Variants in PAX6 observed in about 807,000 individuals in gnomAD.
PAX6 encodes the protein paired box 6, also known as paired box protein Pax-6.
In PAX6, 7 loss-of-function variants were observed where a neutral mutation model predicts 60.7. The ratio of observed to expected loss-of-function variants is 0.12; its 90% CI spans 0.07 to 0.22. The LOEUF (loss-of-function observed/expected upper bound fraction) is 0.22. Among genes scored for constraint, PAX6 ranks in the 10% least tolerant of loss-of-function variants. The pLI is 1.00. For synonymous variants in PAX6, 208 were observed against 201.2 expected (o/e 1.03, Z -0.29); for missense variants, 355 against 555.2 (o/e 0.64, Z 3.62).
At chr11:31,811,053 T>C in intron 1 of PAX6, 38 bp from the exon 2 acceptor site, 1 of 399,330 alleles carries the variant, frequency 2.5e-6, no homozygotes, top group Non-Finnish European at 4.4e-6. Context: ...AAATGGGCTG[T>C]CAGCGGCTGG....
chr11:31,800,417 G>A lies in PAX6; in HGVS notation c.565+274C>T, dbSNP rs3026376. On this transcript the variant is annotated intron_variant, in intron 8 of 13. Transcript: ENST00000640368. ...AGTGCACCACGCAGCTCGTTCTTAT[G>A]CACACAGTGCTGCCCACAAACACAC... The A allele has an allele frequency of 9.8e-5, 55 of 562,448 alleles. 1 individual carries two copies. In the South Asian group the frequency reaches 1.1e-3, roughly 11 times the overall value. 34.8% of individuals were successfully genotyped at this position (562,448 alleles called of 1,614,324 possible).
rs1201996513 is a variant in PAX6 at position 31,793,231 on chromosome 11, A to G, written c.1074+207T>C. The G allele has an allele frequency of 1.4e-5, 10 of 694,914 alleles. No homozygotes were observed. The East Asian group carries it at 1.6e-4, about 11-fold the overall frequency. 43.0% of individuals were successfully genotyped at this position (694,914 alleles called of 1,614,324 possible). A position where few individuals can be genotyped will look rare whatever the true frequency, so the allele number is the denominator to read the frequency against. On this transcript the variant is annotated intron_variant, in intron 12 of 13. Transcript: ENST00000640368. ...ACCTGACAAAACTGGACAGATTTTT[A>G]TTACTCATTTTTTTAGGGCATGAAT... is the stretch of plus-strand genomic sequence containing the variant.
chr11:31,817,779 C>G (rs1292321706), intron 1 of PAX6: 1 of 152,324 alleles, frequency 6.6e-6, no homozygotes, highest in Admixed American at 6.5e-5. Flanking sequence ...GGGCCCCGAG[C>G]CGGGCCGGGG....
At chr11:31,808,493 C>G (rs1024705465) in intron 2 of PAX6, 2 of 152,302 alleles carry the variant, frequency 1.3e-5, no homozygotes, top group African/African-American at 4.8e-5. Flanking sequence ...AATGCAGGAC[C>G]CTGAAGCTGC....
At chr11:31,816,619 G>A (rs769188360) in intron 1 of PAX6, 2 of 702,420 alleles carry the variant, frequency 2.8e-6, no homozygotes, top group South Asian at 1.5e-5. Flanking sequence ...GGAACCCGCG[G>A]AGGAGAGGAT....
At chr11:31,790,446 T>C in intron 13 of PAX6, 1 of 1,341,904 alleles carries the variant, frequency 7.5e-7, no homozygotes, top group Non-Finnish European at 9.6e-7. Flanking sequence ...TAATAATCTG[T>C]CCTCAGAAAA....
chr11:31,790,048 T>A (rs2134387972), intron 13 of PAX6, 29 bp from the exon 14 acceptor site: 1 of 1,291,150 alleles, frequency 7.7e-7, no homozygotes, highest in Non-Finnish European at 1.1e-6. Flanking sequence ...AATAGCCATG[T>A]AGATATTCCC....
intron 1 of PAX6, among the ~76,000 whole-genome samples, chr11:31,817,232 A>T (rs1957422999): frequency 6.6e-6 from 1 of 152,264 alleles, no homozygotes; most frequent in African/African-American, 2.4e-5. Context: ...CGCGCTGCCC[A>T]GCTCTGTCGG....
At chr11:31,806,351 C>T (rs754114301) in intron 4 of PAX6, 51 bp downstream of exon 4, 5 of 1,589,846 alleles carry the variant, frequency 3.1e-6, no homozygotes, top group Middle Eastern at 1.8e-4. Context: ...CCCTGACCCT[C>T]GGGTCCGCGC....
chr11:31,802,603 GGGGGTCCATAATTA>G, intron 5 of PAX6, 87 bp downstream of exon 5: 2 of 1,330,822 alleles, frequency 1.5e-6, no homozygotes. Flanking sequence ...GTGAGGGTGG[GGGGGTCCATAATTA>G]GCATCGTTTA....
At chr11:31,812,968 C>G (rs1894620), upstream of PAX6, 28,389 of 152,214 alleles carry the variant, frequency 0.19, 2,934 homozygotes, top group East Asian at 0.3. Context: ...GCCTCACCCT[C>G]TCGTTCCTGC....
intron 5 of PAX6, 99 bp downstream of exon 5, chr11:31,802,605 G>T: frequency 1.5e-6 from 2 of 1,344,464 alleles, no homozygotes; most frequent in Non-Finnish European, 2.0e-6. Flanking sequence ...GAGGGTGGGG[G>T]GGTCCATAAT....
intron 2 of PAX6, among the ~76,000 whole-genome samples, 159 bp from the exon 3 acceptor site, chr11:31,807,084 A>G (rs935338433): frequency 6.6e-6 from 1 of 152,198 alleles, no homozygotes; most frequent in African/African-American, 2.4e-5. Context: ...CCACATTTTC[A>G]GCGGCATCTG....
rs1158763323 is a variant in PAX6 at position 31,789,842 on chromosome 11, C to T, written c.*92G>A. ...TGAAGCGGCTCTAACAGCCATTTTTCTTTCTTTCCTGAAAGCTCAACTGTT... is the reference window on the plus strand; with the variant it reads ...TGAAGCGGCTCTAACAGCCATTTTTTTTTCTTTCCTGAAAGCTCAACTGTT... On this transcript the variant is annotated 3_prime_UTR_variant, in exon 14 of 14. Coordinates refer to ENST00000640368, the MANE Select transcript of PAX6 (RefSeq NM_001368894.2). 1 of 1,204,274 alleles carries T rather than the reference C, an allele frequency of 8.3e-7. No homozygotes were observed. Among genetic ancestry groups the T allele is most frequent in the East Asian group, 2.5e-5 (1 of 39,228 alleles). The allele number at this position is 1,204,274 out of a possible 1,614,324, so 74.6% of individuals were successfully genotyped here.
chr11:31,795,975 G>A (rs758627547), intron 8 of PAX6, among the ~76,000 whole-genome samples: 31 of 152,246 alleles, frequency 2.0e-4, no homozygotes, highest in Non-Finnish European at 4.0e-4. Context: ...GGTGGGAATC[G>A]ACTTGGCCAG....
intron 2 of PAX6, chr11:31,810,523 G>T (rs1015180285): frequency 7.4e-5 from 16 of 215,064 alleles, no homozygotes; most frequent in Non-Finnish European, 1.4e-4. Context: ...CTGCTGTCGC[G>T]CCTGGAGTCT....
intron 8 of PAX6, among the ~76,000 whole-genome samples, chr11:31,795,933 A>G (rs1951352965): frequency 6.6e-6 from 1 of 152,214 alleles, no homozygotes; most frequent in Non-Finnish European, 1.5e-5. Context: ...ACTTGGCCAG[A>G]GGCGGGGTGG....
At chr11:31,803,149 C>A in intron 4 of PAX6, 1 of 431,734 alleles carries the variant, frequency 2.3e-6, no homozygotes, top group Non-Finnish European at 4.3e-6. Flanking sequence ...GCAGCAGCAA[C>A]ACAGAGTCAG....
rs145329506 is a variant in PAX6, at chr11:31,794,086, C to T, written c.753G>A (p.Val251=). The T allele has an allele frequency of 2.7e-4, 430 of 1,611,262 alleles. No individual in the cohort carries two copies. The highest frequency in any genetic ancestry group is 1.1e-3 in the Admixed American group (65 of 60,016). The change falls in exon 10 of 14, where the codon GTG becomes GTA. Residue 251 remains valine, a synonymous_variant. Transcript: ENST00000640368. ...KEFERTHYPD[V]FARERLAAKI... ...TGGCTGCTAGTCTTTCTCGGGCAAA[C>T]ACATCTGGATAATGGGTTCTCTCAA...
Sources: allele counts gnomAD v4.1 joint callset (sites outside exome capture counted in the v4.1 genomes callset), GRCh38; gene constraint gnomAD v4.1.1; transcripts MANE v1.5; gene names NCBI Gene and HGNC (gene_info 2026-07-23, HGNC 2026-07-21).